The following TFAM variants were observed in gnomAD, a reference collection of about 807,000 sequenced individuals.
TFAM encodes the protein mitochondrial transcription factor 1.
A neutral mutation model predicts 30.6 loss-of-function variants in TFAM; 13 were observed. That is an observed-to-expected ratio of 0.42 (90% CI 0.28 to 0.67). TFAM has a LOEUF of 0.67. Ranked by LOEUF, TFAM falls within the 30% of genes least tolerant of loss-of-function variation. The probability of loss-of-function intolerance (pLI) is 0.21; values close to 1 mark genes in which losing one functional copy is unlikely to be tolerated. For missense variants in TFAM, 231 were observed against 293.7 expected, an observed-to-expected ratio of 0.79 and a Z score of 1.56; for synonymous variants, 106 against 94.8, an observed-to-expected ratio of 1.12 and a Z score of -0.69.
At position 58,395,721 on chromosome 10, in the gene TFAM, A is replaced by G. The variant is rs1351179924; in HGVS notation, c.*647A>G. ...ATATTATTTTATGTTGCATAGAATA[A>G]AATTTTTAATCTTTAATTTTACATT... On this transcript the variant is annotated 3_prime_UTR_variant, in exon 7 of 7. Coordinates refer to ENST00000487519, the MANE Select transcript of TFAM (RefSeq NM_003201.3). 3.3e-6 allele frequency: 1 copy of G among 299,792 alleles called. No individual in the cohort carries two copies. Among genetic ancestry groups the G allele is most frequent in the Non-Finnish European group, 6.1e-6 (1 of 164,424 alleles). The allele number at this position is 299,792 out of a possible 1,614,324, so 18.6% of individuals were successfully genotyped here.
At chr10:58,394,160 A>T (rs1158323329) in intron 5 of TFAM, among the ~76,000 whole-genome samples, 198 bp from the exon 6 acceptor site, 2 of 152,230 alleles carry the variant, frequency 1.3e-5, no homozygotes, top group Non-Finnish European at 1.5e-5. Flanking sequence ...ATATTTCCGA[A>T]TCAAAAATAT....
intron 1 of TFAM, 62 bp downstream of exon 1, chr10:58,385,710 T>C (rs1840473333): frequency 7.9e-7 from 1 of 1,267,888 alleles, no homozygotes. Context: ...GGTTGGAATG[T>C]AGACCCTATC....
At chr10:58,394,683 T>C (rs976703412) in intron 6 of TFAM, 10 of 633,590 alleles carry the variant, frequency 1.6e-5, no homozygotes, top group Non-Finnish European at 2.5e-5. Flanking sequence ...GCCCCCTTCC[T>C]GCACCTCAAG....
chr10:58,387,541 T>C (rs1358709437), intron 2 of TFAM, among the ~76,000 whole-genome samples: 2 of 152,226 alleles, frequency 1.3e-5, no homozygotes, highest in African/African-American at 4.8e-5. Context: ...TTAGCTTTTA[T>C]AAATTTAGGA....
chr10:58,389,428 T>G (rs75563181), intron 4 of TFAM, among the ~76,000 whole-genome samples: 285 of 152,364 alleles, frequency 1.9e-3, no homozygotes, highest in African/African-American at 6.5e-3. Context: ...GAGCCAGTAT[T>G]AGTTTTGAGG....
chr10:58,385,907 G>A (rs1198906190), intron 1 of TFAM, among the ~76,000 whole-genome samples: 1 of 152,052 alleles, frequency 6.6e-6, no homozygotes, highest in East Asian at 1.9e-4. Context: ...GATCCTTTCC[G>A]CCTCCTCTGC....
chr10:58,390,925 A>ATG, intron 5 of TFAM, 65 bp downstream of exon 5: 1 of 1,395,186 alleles, frequency 7.2e-7, no homozygotes, highest in South Asian at 1.2e-5. Context: ...CTAGAGTGCC[A>ATG]TGTGTCAGGT....
rs1260405873 is a variant in TFAM at position 58,399,206 on chromosome 10, T to G, written c.*4132T>G. 1 of 152,210 alleles carries G rather than the reference T, an allele frequency of 6.6e-6. No homozygotes were observed. The highest frequency in any genetic ancestry group is 1.5e-5 in the Non-Finnish European group (1 of 68,020). 9.4% of individuals were successfully genotyped at this position (152,210 alleles called of 1,614,324 possible). A position where few individuals can be genotyped will look rare whatever the true frequency, so the allele number is the denominator to read the frequency against. Reference sequence around the variant, plus strand: ...ACAGGAATTTTAAATAAACTAAACATTTTTTCATCACCAAGCATCATTTAT... The same window carrying G: ...ACAGGAATTTTAAATAAACTAAACAGTTTTTCATCACCAAGCATCATTTAT... On this transcript the variant is annotated 3_prime_UTR_variant, in exon 7 of 7. Transcript: ENST00000487519.
In TFAM at chr10:58,396,733, G is replaced by A. The variant is rs528334269; in HGVS notation, c.*1659G>A. 2.0e-5 allele frequency: 3 copies of A among 152,300 alleles called. No homozygotes were observed. The highest frequency in any genetic ancestry group is 2.1e-4 in the South Asian group (1 of 4,830). The allele number at this position is 152,300 out of a possible 1,614,324, so 9.4% of individuals were successfully genotyped here. On this transcript the variant is annotated 3_prime_UTR_variant, in exon 7 of 7. Transcript: ENST00000487519. ...GCGTTATGCAAAATATTTAGAAATT[G>A]TAGATTCTAGATCTCCAGAAAGACT... is the stretch of plus-strand genomic sequence containing the variant.
chr10:58,390,455 A>C (rs1318147258), intron 4 of TFAM, among the ~76,000 whole-genome samples: 19 of 152,204 alleles, frequency 1.2e-4, no homozygotes, highest in Non-Finnish European at 1.5e-5. Context: ...GATGAACCTA[A>C]GGTTGTTTTA....
chr10:58,392,426 G>C lies in TFAM; in HGVS notation c.537+1566G>C, dbSNP rs142959080. Among the ~76,000 whole-genome samples the C allele has an allele frequency of 6.6e-5, 9 of 137,170 alleles. No homozygotes were observed. In the East Asian group the frequency reaches 1.9e-3, roughly 30 times the overall value. 90.0% of individuals were successfully genotyped at this position (137,170 alleles called of 152,430 possible). ...CTCCCCTTTAGAACTCCTGCTACAT[G>C]TATATGCATCTTCTGAGCTGGTCCT... On this transcript the variant is annotated intron_variant, in intron 5 of 6. Coordinates refer to ENST00000487519, the MANE Select transcript of TFAM (RefSeq NM_003201.3).
At chr10:58,390,958 C>T (rs1453713094) in intron 5 of TFAM, 98 bp downstream of exon 5, 1 of 1,089,132 alleles carries the variant, frequency 9.2e-7, no homozygotes, top group African/African-American at 1.6e-5. Context: ...TAGTGAATAT[C>T]CAGACAGTAA....
intron 5 of TFAM, 64 bp downstream of exon 5, chr10:58,390,924 C>A: frequency 7.1e-7 from 1 of 1,405,246 alleles, no homozygotes; most frequent in South Asian, 1.2e-5. Context: ...TCTAGAGTGC[C>A]ATGTGTCAGG....
At chr10:58,388,862 A>G (rs1840540832) in intron 4 of TFAM, 43 bp downstream of exon 4, 2 of 1,517,410 alleles carry the variant, frequency 1.3e-6, no homozygotes, top group Non-Finnish European at 1.8e-6. Flanking sequence ...TAAAGAATTG[A>G]GATTTATATA....
chr10:58,390,962 A>G, intron 5 of TFAM, 102 bp downstream of exon 5: 1 of 1,048,420 alleles, frequency 9.5e-7, no homozygotes. Context: ...GAATATCCAG[A>G]CAGTAAACTC....
At chr10:58,394,079 G>A (rs1456430585) in intron 5 of TFAM, among the ~76,000 whole-genome samples, 1 of 152,056 alleles carries the variant, frequency 6.6e-6, no homozygotes, top group African/African-American at 2.4e-5. Flanking sequence ...AAAACCTAAA[G>A]CTACAGGGAA....
At position 58,399,005 on chromosome 10, in the gene TFAM, A is replaced by C. The variant is rs1466032538; in HGVS notation, c.*3931A>C. On this transcript the variant is annotated 3_prime_UTR_variant, in exon 7 of 7. Transcript: ENST00000487519. ...TTAAATTTGTAAAATTTTCCAAAGTAAAACCATACAAAGCTAGTGTCAGTC... is the reference window on the plus strand; with the variant it reads ...TTAAATTTGTAAAATTTTCCAAAGTCAAACCATACAAAGCTAGTGTCAGTC... 2 of 152,234 alleles carry C rather than the reference A, an allele frequency of 1.3e-5. No individual in the cohort carries two copies. Among genetic ancestry groups the C allele is most frequent in the Non-Finnish European group, 2.9e-5 (2 of 68,044 alleles). The allele number at this position is 152,234 out of a possible 1,614,324, so 9.4% of individuals were successfully genotyped here. A position where few individuals can be genotyped will look rare whatever the true frequency, so the allele number is the denominator to read the frequency against.
chr10:58,385,537 C>A lies in TFAM; in HGVS notation c.-11C>A, dbSNP rs577804923. ...GATTGGGGTCGGGTCACTGCCTCAT[C>A]CACCGGAGCGATGGCGTTTCTCCGA... On this transcript the variant is annotated 5_prime_UTR_variant, in exon 1 of 7. Coordinates refer to ENST00000487519, the MANE Select transcript of TFAM (RefSeq NM_003201.3). 5.8e-6 allele frequency: 9 copies of A among 1,555,780 alleles called. No individual in the cohort carries two copies. The African/African-American group carries it at 8.2e-5, about 14-fold the overall frequency.
Position 58,397,775 on chromosome 10 carries a change from A to G in TFAM, c.*2701A>G, listed in dbSNP as rs971017202. The G allele has an allele frequency of 2.8e-5, 4 of 140,514 alleles. No individual in the cohort carries two copies. Among genetic ancestry groups the G allele is most frequent in the Non-Finnish European group, 6.1e-5 (4 of 65,478 alleles). 8.7% of individuals were successfully genotyped at this position (140,514 alleles called of 1,614,324 possible). ...TGTGTGTGTGTGTGTGTGTGTGTGC[A>G]CGTGTGTGTGTTAGAGTCTCATTAT... is the stretch of plus-strand genomic sequence containing the variant. On this transcript the variant is annotated 3_prime_UTR_variant, in exon 7 of 7. Transcript: ENST00000487519.
Sources: allele counts gnomAD v4.1 joint callset (sites outside exome capture counted in the v4.1 genomes callset), GRCh38; gene constraint gnomAD v4.1.1; transcripts MANE v1.5; gene names NCBI Gene and HGNC (gene_info 2026-07-23, HGNC 2026-07-21).